Variants in MAP2K6 observed in about 807,000 individuals in gnomAD.
MAP2K6 encodes dual specificity mitogen-activated protein kinase kinase 6.
Under a neutral mutation model 53.7 loss-of-function variants are expected in MAP2K6, and 16 were observed. The observed-to-expected ratio is 0.30, with a 90% CI of 0.20 to 0.45. The LOEUF is 0.45. Among genes scored for constraint, MAP2K6 ranks in the 20% least tolerant of loss-of-function variants. MAP2K6 has a pLI of 1.00. For synonymous variants in MAP2K6, 132 were observed against 143.1 expected (o/e 0.92, Z 0.55); for missense variants, 204 against 411.9 (o/e 0.50, Z 4.37).
rs1268826262 is a variant in MAP2K6 at position 69,544,689 on chromosome 17, C to G, written c.*2936C>G. 1 of 152,054 alleles carries G rather than the reference C, an allele frequency of 6.6e-6. No individual in the cohort carries two copies. Among genetic ancestry groups the G allele is most frequent in the African/African-American group, 2.4e-5 (1 of 41,406 alleles). The allele number at this position is 152,054 out of a possible 1,614,324, so 9.4% of individuals were successfully genotyped here. On this transcript the variant is annotated 3_prime_UTR_variant, in exon 12 of 12. Transcript: ENST00000590474. ...TTTTTGAAAATGTTTATTAAAATAG[C>G]CATCTTTTTTGATATTATTGGTTTA... is the stretch of plus-strand genomic sequence containing the variant.
intron 1 of MAP2K6, among the ~76,000 whole-genome samples, chr17:69,498,843 C>T (rs992955933): frequency 7.2e-5 from 11 of 152,074 alleles, no homozygotes; most frequent in Admixed American, 1.3e-4. Context: ...GGTCACCTTA[C>T]GTTTGTGGGC....
In MAP2K6 at chr17:69,535,505, C is replaced by T. The variant is rs1911310690; in HGVS notation, c.882-610C>T. 3.9e-5 allele frequency among the ~76,000 whole-genome samples: 6 copies of T among 152,130 alleles called. No individual in the cohort carries two copies. In the South Asian group the frequency reaches 1.0e-3, roughly 26 times the overall value. On this transcript the variant is annotated intron_variant, in intron 10 of 11. Transcript: ENST00000590474. ...ACTCAGGAGGCTGAGGCAGGAAGAT[C>T]ACCTGAGCCTAGGGAGGTGGAGGCT...
At chr17:69,453,381 G>A (rs922552528) in intron 1 of MAP2K6, among the ~76,000 whole-genome samples, 1 of 152,212 alleles carries the variant, frequency 6.6e-6, no homozygotes, top group East Asian at 1.9e-4. Flanking sequence ...TACCAAAAGA[G>A]GTGGTGGGCC....
chr17:69,523,425 C>A, intron 7 of MAP2K6, 89 bp from the exon 8 acceptor site: 1 of 1,548,796 alleles, frequency 6.5e-7, no homozygotes, highest in South Asian at 1.1e-5. Context: ...AGATGAAGGA[C>A]AAATGGAGAT....
intron 2 of MAP2K6, among the ~76,000 whole-genome samples, chr17:69,516,311 C>T (rs78218332): frequency 0.035 from 5,251 of 151,960 alleles, 260 homozygotes; most frequent in African/African-American, 0.1. Context: ...CTTGTATACA[C>T]AGTTCACAGT....
In MAP2K6 at chr17:69,518,132, G is replaced by A. The variant is rs144567487; in HGVS notation, c.246+519G>A. 7.6e-3 allele frequency among the ~76,000 whole-genome samples: 1,155 copies of A among 152,264 alleles called. 14 individuals are homozygous for A. The highest frequency in any genetic ancestry group is 0.027 in the African/African-American group (1,107 of 41,542). On this transcript the variant is annotated intron_variant, in intron 4 of 11. Coordinates refer to ENST00000590474, the MANE Select transcript of MAP2K6 (RefSeq NM_002758.4). ...TTGAACCCGGGAGGTGGAGGTTGTG[G>A]TGAGCCGAGATCGTGCCACTGCACT...
At chr17:69,455,722 T>C (rs2586547) in intron 1 of MAP2K6, among the ~76,000 whole-genome samples, 90,684 of 151,794 alleles carry the variant, frequency 0.6, 27,307 homozygotes, top group African/African-American at 0.65. Flanking sequence ...TCTTTTTCCC[T>C]CCGCCCTTAA....
Position 69,429,037 on chromosome 17 carries a change from A to G in MAP2K6, c.16+14037A>G, listed in dbSNP as rs368366030. Among the ~76,000 whole-genome samples the G allele has an allele frequency of 2.5e-3, 376 of 152,004 alleles. 5 individuals are homozygous for G. The highest frequency in any genetic ancestry group is 8.8e-3 in the African/African-American group (363 of 41,464). ...ACACAACACTCCCTGTGGTTGTCACAGGCAGCTTTGATGTACAGATACAGG... is the reference window on the plus strand; with the variant it reads ...ACACAACACTCCCTGTGGTTGTCACGGGCAGCTTTGATGTACAGATACAGG... On this transcript the variant is annotated intron_variant, in intron 1 of 11. Transcript: ENST00000590474.
At chr17:69,525,285 A>T (rs1910709175) in intron 9 of MAP2K6, among the ~76,000 whole-genome samples, 1 of 152,188 alleles carries the variant, frequency 6.6e-6, no homozygotes, top group African/African-American at 2.4e-5. Flanking sequence ...ATCTGACCAG[A>T]TTCCTTATAG....
In MAP2K6 at chr17:69,549,899, G is replaced by C. The variant is rs1312135551; in HGVS notation, c.*8146G>C. 6.6e-6 allele frequency: 1 copy of C among 151,946 alleles called. No homozygotes were observed. The allele number at this position is 151,946 out of a possible 1,614,324, so 9.4% of individuals were successfully genotyped here. On this transcript the variant is annotated 3_prime_UTR_variant, in exon 12 of 12. Transcript: ENST00000590474. ...AACAGTGATGTGAAGTCATGTTTGG[G>C]GGCTGGAAGAAGTGATAAATGCAAA...
At chr17:69,526,826 G>A in intron 10 of MAP2K6, 117 bp downstream of exon 10, 1 of 1,275,976 alleles carries the variant, frequency 7.8e-7, no homozygotes, top group South Asian at 1.5e-5. Flanking sequence ...CATTTGTGGA[G>A]TATGCCCTCT....
At chr17:69,529,591 A>T (rs113905153) in intron 10 of MAP2K6, among the ~76,000 whole-genome samples, 10 of 148,438 alleles carry the variant, frequency 6.7e-5, no homozygotes, top group Non-Finnish European at 1.2e-4. Context: ...GCTCACTGCA[A>T]GCTCCGCCTC....
chr17:69,500,681 G>A (rs1029232468), intron 1 of MAP2K6, among the ~76,000 whole-genome samples: 20 of 151,870 alleles, frequency 1.3e-4, no homozygotes, highest in Admixed American at 3.9e-4. Flanking sequence ...ACACAAAGCC[G>A]GGAGGCGGAG....
intron 7 of MAP2K6, chr17:69,521,596 T>A (rs1910471999): frequency 6.6e-6 from 1 of 152,444 alleles, no homozygotes; most frequent in Non-Finnish European, 1.5e-5. Context: ...TCCTCTTTCC[T>A]TTTCTTCCTT....
rs147622475 is a variant in MAP2K6 at position 69,509,636 on chromosome 17, A to G, written c.83+3790A>G. Among the ~76,000 whole-genome samples, 174 of 152,102 alleles carry G rather than the reference A, an allele frequency of 1.1e-3. 1 individual carries two copies. Among genetic ancestry groups the G allele is most frequent in the African/African-American group, 4.1e-3 (169 of 41,484 alleles). On this transcript the variant is annotated intron_variant, in intron 2 of 11. Coordinates refer to ENST00000590474, the MANE Select transcript of MAP2K6 (RefSeq NM_002758.4). ...TTACTTTCATTTTCTTGCCTTATTG[A>G]AGTGGCAAGAATGTCCAGTCCTAGG...
intron 1 of MAP2K6, among the ~76,000 whole-genome samples, chr17:69,498,491 C>T (rs1909028058): frequency 6.6e-6 from 1 of 152,096 alleles, no homozygotes; most frequent in Non-Finnish European, 1.5e-5. Flanking sequence ...AGGGGACCCA[C>T]CTGCATGGGT....
intron 6 of MAP2K6, 47 bp from the exon 7 acceptor site, chr17:69,521,002 C>G: frequency 6.9e-7 from 1 of 1,458,592 alleles, no homozygotes; most frequent in Non-Finnish European, 9.5e-7. Flanking sequence ...CATTCAATTT[C>G]TTTCCAGCAA....
chr17:69,455,603 A>G (rs529327813), intron 1 of MAP2K6, among the ~76,000 whole-genome samples: 25 of 152,140 alleles, frequency 1.6e-4, no homozygotes, highest in Non-Finnish European at 2.9e-4. Flanking sequence ...AAGGCGGGGC[A>G]TTATGGTTGG....
chr17:69,518,296 C>T (rs1910281612), intron 4 of MAP2K6, among the ~76,000 whole-genome samples: 1 of 152,012 alleles, frequency 6.6e-6, no homozygotes, highest in Non-Finnish European at 1.5e-5. Context: ...TTTGTTTTGT[C>T]CTGTTGGATT....
Sources: gnomAD v4.1 joint callset for allele counts (sites outside exome capture counted in the v4.1 genomes callset) on GRCh38, gnomAD v4.1.1 for gene constraint, MANE v1.5 for transcripts, NCBI Gene and HGNC (gene_info 2026-07-23, HGNC 2026-07-21) for gene names.